The following ABCC5 variants were observed in gnomAD, a reference collection of about 807,000 sequenced individuals.
ABCC5 encodes the protein ATP-binding cassette sub-family C member 5.
A neutral mutation model predicts 160.9 loss-of-function variants in ABCC5; 61 were observed. The ratio of observed to expected loss-of-function variants is 0.38; its 90% CI spans 0.31 to 0.47. ABCC5 has a LOEUF of 0.47. ABCC5 is among the 20% of genes least tolerant of loss of function. ABCC5 has a pLI of 0.99. For synonymous variants in ABCC5, 666 were observed against 700.6 expected, an observed-to-expected ratio of 0.95 and a Z score of 0.78; for missense variants, 1,308 against 1,813.3, an observed-to-expected ratio of 0.72 and a Z score of 5.06.
chr3:183,952,402 CT>C (rs1715458348), intron 18 of ABCC5, among the ~76,000 whole-genome samples: 1 of 152,156 alleles, frequency 6.6e-6, no homozygotes, highest in Non-Finnish European at 1.5e-5. Context: ...CTGCCTTGGC[CT>C]CTCAAAGTGC....
chr3:183,933,343 C>T (rs1321089963), intron 26 of ABCC5, among the ~76,000 whole-genome samples: 2 of 152,048 alleles, frequency 1.3e-5, no homozygotes, highest in Non-Finnish European at 2.9e-5. Context: ...ACCAGAGTGA[C>T]AGCTGGGGAC....
chr3:184,012,388 A>G (rs534964704), intron 2 of ABCC5, among the ~76,000 whole-genome samples: 1 of 152,192 alleles, frequency 6.6e-6, no homozygotes, highest in South Asian at 2.1e-4. Context: ...GCTAACATTT[A>G]TTGAGCACTG....
chr3:183,933,920 C>T (rs1713425079), intron 26 of ABCC5, among the ~76,000 whole-genome samples: 1 of 152,200 alleles, frequency 6.6e-6, no homozygotes, highest in African/African-American at 2.4e-5. Context: ...TTTCCAGATT[C>T]AGAGTCTCTA....
intron 10 of ABCC5, among the ~76,000 whole-genome samples, chr3:183,977,151 T>A (rs1269755153): frequency 6.6e-6 from 1 of 152,062 alleles, no homozygotes; most frequent in East Asian, 1.9e-4. Flanking sequence ...GTAGCAAAGA[T>A]CAAGGGGAAG....
In ABCC5 at chr3:183,982,528, T is replaced by C. The variant is rs200118977; in HGVS notation, c.922A>G (p.Met308Val). The C allele has an allele frequency of 7.9e-5, 127 of 1,614,050 alleles. No homozygotes were observed. The highest frequency in any genetic ancestry group is 1.8e-4 in the Admixed American group (11 of 60,002). ...CCCAGAATAATTACATTATAAATCATGCCTAAGATGGCAACAACGGGTCCT... is the reference window on the plus strand; with the variant it reads ...CCCAGAATAATTACATTATAAATCACGCCTAAGATGGCAACAACGGGTCCT... ...AGGPVVAILG[M>V]IYNVIILGPT... Residue 308 changes from methionine to valine, a missense_variant, in exon 7 of 30, where the codon ATG becomes GTG. Met to Val is a conservative substitution (Grantham distance 21, BLOSUM62 1). This residue lies in a region of ABCC5 where 1,142 missense variants were observed against 1,527.1 expected (regional missense o/e 0.75). Coordinates refer to ENST00000334444, the MANE Select transcript of ABCC5 (RefSeq NM_005688.4). The surrounding 1 kb of genome is among the most constrained non-coding windows in gnomAD (Gnocchi z 5.2).
chr3:183,957,029 A>T (rs1269891370), intron 17 of ABCC5, among the ~76,000 whole-genome samples: 4 of 145,232 alleles, frequency 2.8e-5, no homozygotes, highest in Admixed American at 6.8e-5. Flanking sequence ...TGTACATCAC[A>T]TCGGTTACAT....
At chr3:184,013,933 C>T (rs1442129217) in intron 2 of ABCC5, among the ~76,000 whole-genome samples, 1 of 152,168 alleles carries the variant, frequency 6.6e-6, no homozygotes, top group East Asian at 1.9e-4. Context: ...AGTGCAGTGG[C>T]ATGATCCCAG....
In ABCC5 at chr3:184,014,377, T is replaced by G. The variant is rs1250213616; in HGVS notation, c.16A>C (p.Ile6Leu). 1 of 1,613,216 alleles carries G rather than the reference T, an allele frequency of 6.2e-7. No homozygotes were observed. Among genetic ancestry groups the G allele is most frequent in the East Asian group, 2.2e-5 (1 of 44,836 alleles). MKDID[I>L]GKEYIIPSPG... ...CTGGGGATGATATACTCTTTTCCTATGTCGATATCCTTCATCTTCTCTGAG... is the reference window on the plus strand; with the variant it reads ...CTGGGGATGATATACTCTTTTCCTAGGTCGATATCCTTCATCTTCTCTGAG... The change falls in exon 2 of 30, where the codon ATA becomes CTA. Residue 6 changes from isoleucine (I) to leucine (L), a missense_variant. By Grantham distance (5) the Ile-to-Leu change is conservative. This residue lies in a region of ABCC5 where 1,142 missense variants were observed against 1,527.1 expected (regional missense o/e 0.75). Transcript: ENST00000334444.
chr3:183,983,089 A>T, intron 5 of ABCC5, 82 bp from the exon 6 acceptor site: 1 of 1,320,086 alleles, frequency 7.6e-7, no homozygotes, highest in Non-Finnish European at 1.1e-6. Context: ...AGTTAGAAAG[A>T]GTAGGCAGCT....
At chr3:183,953,383 T>A in intron 17 of ABCC5, 113 bp from the exon 18 acceptor site, 2 of 862,312 alleles carry the variant, frequency 2.3e-6, no homozygotes, top group Non-Finnish European at 1.7e-6. Flanking sequence ...GGGGTCTAGA[T>A]TAGATTTCCT....
intron 29 of ABCC5, among the ~76,000 whole-genome samples, chr3:183,924,899 T>C (rs1402696522): frequency 1.3e-5 from 2 of 152,122 alleles, no homozygotes; most frequent in African/African-American, 2.4e-5. Flanking sequence ...CAGGTGGATA[T>C]GGGAGAGAGA....
At chr3:183,991,940 G>C (rs1276858884) in intron 2 of ABCC5, among the ~76,000 whole-genome samples, 1 of 152,202 alleles carries the variant, frequency 6.6e-6, no homozygotes, top group African/African-American at 2.4e-5. Context: ...CTGGGAATCT[G>C]TACAGAGTAG....
Position 183,953,209 on chromosome 3 carries a change from G to C in ABCC5, c.2544C>G (p.Val848=). ...AGGGGCCCCCAGCAGCCTGGATGTA[G>C]ACACCATATACTGACCAGGGCACTG... ...QGSVPWSVYG[V]YIQAAGGPLA... is the part of the protein sequence containing the mutation. The change falls in exon 18 of 30, where the codon GTC becomes GTG. Residue 848 remains valine, a synonymous_variant. Transcript: ENST00000334444. 2.5e-6 allele frequency: 4 copies of C among 1,614,180 alleles called. No homozygotes were observed. The highest frequency in any genetic ancestry group is 3.4e-6 in the Non-Finnish European group (4 of 1,180,032).
At chr3:183,967,864 C>T in intron 11 of ABCC5, 98 bp from the exon 12 acceptor site, 1 of 976,846 alleles carries the variant, frequency 1.0e-6, no homozygotes, top group Non-Finnish European at 1.6e-6. Flanking sequence ...TCTACCCATA[C>T]AGAACTGTCA....
intron 25 of ABCC5, among the ~76,000 whole-genome samples, chr3:183,938,879 G>T (rs1017319592): frequency 6.6e-6 from 1 of 152,158 alleles, no homozygotes; most frequent in Non-Finnish European, 1.5e-5. Flanking sequence ...GTTTTGCCTC[G>T]ACTCAATGAG....
Position 183,982,428 on chromosome 3 carries a change from A to G in ABCC5, c.999+23T>C. On this transcript the variant is annotated intron_variant, in intron 7 of 29. Transcript: ENST00000334444. The surrounding 1 kb of genome is among the most constrained non-coding windows in gnomAD (Gnocchi z 5.2). ...CATCTCCTAAGGAGAAGCTGCCAGG[A>G]TTCAGCTGGGAGGCTTACTCACCAT... The G allele has an allele frequency of 6.2e-7, 1 of 1,609,112 alleles. No homozygotes were observed.
chr3:183,946,535 A>C (rs1209307594), intron 23 of ABCC5, among the ~76,000 whole-genome samples: 3 of 152,200 alleles, frequency 2.0e-5, no homozygotes, highest in Admixed American at 6.5e-5. Context: ...TTTTCAATAA[A>C]GAAAAATGTC....
At chr3:183,995,968 C>T (rs927835363) in intron 2 of ABCC5, among the ~76,000 whole-genome samples, 7 of 152,020 alleles carry the variant, frequency 4.6e-5, no homozygotes, top group Admixed American at 6.6e-5. Flanking sequence ...CCACCACGCC[C>T]GGCTAATTTT....
intron 1 of ABCC5, among the ~76,000 whole-genome samples, chr3:184,014,904 A>G (rs1191608743): frequency 6.6e-6 from 1 of 152,238 alleles, no homozygotes; most frequent in Non-Finnish European, 1.5e-5. Context: ...CACTTATTCT[A>G]CCAATGATAT....
Sources: allele counts gnomAD v4.1 joint callset (sites outside exome capture counted in the v4.1 genomes callset), GRCh38; gene constraint gnomAD v4.1.1; regional missense constraint gnomAD v4.1.1; non-coding constraint Gnocchi (gnomAD v3.1); transcripts MANE v1.5; gene names NCBI Gene and HGNC (gene_info 2026-07-23, HGNC 2026-07-21).